The following CACNA2D1 variants were observed in gnomAD, a reference collection of about 807,000 sequenced individuals.
CACNA2D1 encodes calcium voltage-gated channel auxiliary subunit alpha2delta 1.
In CACNA2D1, 53 loss-of-function variants were observed where a neutral mutation model predicts 171.5. That is an observed-to-expected ratio of 0.31 (90% CI 0.25 to 0.39). CACNA2D1 has a LOEUF of 0.39. Among genes scored for constraint, CACNA2D1 ranks in the 10% least tolerant of loss-of-function variants. CACNA2D1 has a pLI of 1.00. For synonymous variants in CACNA2D1, 442 were observed against 443.1 expected, an observed-to-expected ratio of 1.00 and a Z score of 0.03; for missense variants, 903 against 1,299.8, an observed-to-expected ratio of 0.69 and a Z score of 4.69.
intron 3 of CACNA2D1, among the ~76,000 whole-genome samples, chr7:82,332,559 A>AAAGAAAGAAAGG: frequency 7.0e-6 from 1 of 142,862 alleles, no homozygotes; most frequent in South Asian, 2.4e-4. Flanking sequence ...AGAAAGAAAG[A>AAAGAAAGAAAGG]AAGAAAGAAC....
intron 24 of CACNA2D1, among the ~76,000 whole-genome samples, chr7:81,975,565 G>C (rs1185901873): frequency 6.6e-6 from 1 of 152,034 alleles, no homozygotes; most frequent in Non-Finnish European, 1.5e-5. Flanking sequence ...TCATTGATGG[G>C]TAGTTGTAAC....
At chr7:82,318,375 T>A (rs933077721) in intron 3 of CACNA2D1, among the ~76,000 whole-genome samples, 1 of 152,192 alleles carries the variant, frequency 6.6e-6, no homozygotes, top group African/African-American at 2.4e-5. Flanking sequence ...TACTCACTTA[T>A]GAGTATAAAA....
At chr7:82,007,855 A>G in intron 15 of CACNA2D1, 99 bp from the exon 16 acceptor site, 2 of 729,556 alleles carry the variant, frequency 2.7e-6, no homozygotes, top group Non-Finnish European at 5.0e-6. Context: ...TTTTATAGTT[A>G]CTTTATAAAG....
chr7:82,111,313 TACGTGTATATACGC>T (rs1788358543), intron 6 of CACNA2D1, among the ~76,000 whole-genome samples: 14 of 103,264 alleles, frequency 1.4e-4, no homozygotes, highest in East Asian at 5.2e-4. Flanking sequence ...TATATATATA[TACGTGTATATACGC>T]ATACACGTAT....
intron 3 of CACNA2D1, among the ~76,000 whole-genome samples, chr7:82,183,998 T>C (rs1305243546): frequency 6.6e-6 from 1 of 152,126 alleles, no homozygotes; most frequent in Admixed American, 6.5e-5. Context: ...TGACTTGTTA[T>C]ATTAATTTCC....
At chr7:81,981,917 CCATT>C (rs1193331902) in intron 24 of CACNA2D1, among the ~76,000 whole-genome samples, 1 of 151,986 alleles carries the variant, frequency 6.6e-6, no homozygotes, top group Non-Finnish European at 1.5e-5. Context: ...TTAAAAAAAT[CCATT>C]ATTATGTTCA....
rs566612835 is a variant in CACNA2D1 at position 82,137,420 on chromosome 7, C to T, written c.355-744G>A. On this transcript the variant is annotated intron_variant, in intron 4 of 38. Transcript: ENST00000356860. Reference sequence around the variant, plus strand: ...ATTCTTTGTGTCTCTGAGGCTAGTTCTATGTAGTGTAAAAATAATCCACTT... The same window carrying T: ...ATTCTTTGTGTCTCTGAGGCTAGTTTTATGTAGTGTAAAAATAATCCACTT... Among the ~76,000 whole-genome samples, 3 of 152,190 alleles carry T rather than the reference C, an allele frequency of 2.0e-5. No homozygotes were observed. The South Asian group carries it at 6.2e-4, about 32-fold the overall frequency.
chr7:81,986,206 C>G (rs1020187641), intron 21 of CACNA2D1, among the ~76,000 whole-genome samples: 1 of 152,170 alleles, frequency 6.6e-6, no homozygotes, highest in Non-Finnish European at 1.5e-5. Flanking sequence ...AATGCCCAAT[C>G]TAACTACTTT....
At chr7:82,397,558 C>T (rs1825875668) in intron 1 of CACNA2D1, among the ~76,000 whole-genome samples, 1 of 151,978 alleles carries the variant, frequency 6.6e-6, no homozygotes, top group Non-Finnish European at 1.5e-5. Context: ...ACAGAGTACA[C>T]AAAACAGTGA....
At chr7:82,030,314 TTG>T (rs528259457) in intron 12 of CACNA2D1, among the ~76,000 whole-genome samples, 26 of 151,672 alleles carry the variant, frequency 1.7e-4, no homozygotes, top group African/African-American at 6.0e-4. Flanking sequence ...ACATAAAACT[TTG>T]TGTGTTTAAA....
At chr7:82,383,870 C>T (rs1447537379) in intron 1 of CACNA2D1, among the ~76,000 whole-genome samples, 5 of 152,022 alleles carry the variant, frequency 3.3e-5, no homozygotes. Flanking sequence ...CAGTAGCAAA[C>T]ATTTATAAAG....
chr7:82,414,925 C>CA (rs1317884115), intron 1 of CACNA2D1, among the ~76,000 whole-genome samples: 1 of 152,148 alleles, frequency 6.6e-6, no homozygotes, highest in Non-Finnish European at 1.5e-5. Context: ...TTCATATTAT[C>CA]TTAACTTAAA....
rs191956966 is a variant in CACNA2D1 at position 81,972,504 on chromosome 7, T to C, written c.2054-640A>G. ...GAGCAGTACAATCCCAAGAATGTTT[T>C]TGAAATCTACTGGTATTGGTCAAAG... On this transcript the variant is annotated intron_variant, in intron 25 of 38. Coordinates refer to ENST00000356860, the MANE Select transcript of CACNA2D1 (RefSeq NM_000722.4). Among the ~76,000 whole-genome samples the C allele has an allele frequency of 6.3e-3, 962 of 151,970 alleles. 15 individuals carry two copies. Among genetic ancestry groups the C allele is most frequent in the Non-Finnish European group, 5.7e-3 (390 of 67,862 alleles).
chr7:82,243,804 C>T (rs1804601472), intron 3 of CACNA2D1, among the ~76,000 whole-genome samples: 1 of 152,084 alleles, frequency 6.6e-6, no homozygotes, highest in South Asian at 2.1e-4. Flanking sequence ...TTCTATATAA[C>T]CTAAAATAGT....
At chr7:82,294,254 A>C (rs1035097988) in intron 3 of CACNA2D1, among the ~76,000 whole-genome samples, 1 of 152,164 alleles carries the variant, frequency 6.6e-6, no homozygotes, top group African/African-American at 2.4e-5. Flanking sequence ...TAAAATTGAC[A>C]GTAAAAATAA....
At chr7:82,160,357 A>T (rs895948503) in intron 4 of CACNA2D1, among the ~76,000 whole-genome samples, 2 of 152,090 alleles carry the variant, frequency 1.3e-5, no homozygotes, top group Admixed American at 6.6e-5. Flanking sequence ...GAAAAAAATT[A>T]AAAAAGAAAT....
Position 81,959,507 on chromosome 7 carries a change from A to T in CACNA2D1, c.3077-150T>A, listed in dbSNP as rs1793843068. 7 of 789,350 alleles carry T rather than the reference A, an allele frequency of 8.9e-6. No individual in the cohort carries two copies. In the East Asian group the frequency reaches 1.9e-4, roughly 21 times the overall value. 48.9% of individuals were successfully genotyped at this position (789,350 alleles called of 1,614,324 possible). ...ACAATTCAAGTACATAGGGATTTAAAGAACTAAATTGTGAATTATCCTTTT... is the reference window on the plus strand; with the variant it reads ...ACAATTCAAGTACATAGGGATTTAATGAACTAAATTGTGAATTATCCTTTT... On this transcript the variant is annotated intron_variant, in intron 37 of 38. Transcript: ENST00000356860.
chr7:82,128,689 A>G (rs2129066490), intron 5 of CACNA2D1, among the ~76,000 whole-genome samples: 1 of 152,296 alleles, frequency 6.6e-6, no homozygotes, highest in South Asian at 2.1e-4. Flanking sequence ...ACGAAAGAAC[A>G]GTAGAAATCA....
rs147728344 is a variant in CACNA2D1 at position 81,964,252 on chromosome 7, G to A, written c.2682C>T (p.Pro894=). The change falls in exon 33 of 39, where the codon CCC becomes CCT. Residue 894 remains proline (P), a synonymous_variant. Transcript: ENST00000356860. ...CTGCTCCTTGTTTTGGTGCAGCACCGGGCTCACATACTGACTGATAATCAT... is the reference window on the plus strand; with the variant it reads ...CTGCTCCTTGTTTTGGTGCAGCACCAGGCTCACATACTGACTGATAATCAT... The part of the protein sequence containing the change: ...KSYDYQSVCE[P]GAAPKQGAGH... 75 of 1,612,508 alleles carry A rather than the reference G, an allele frequency of 4.7e-5. No individual in the cohort carries two copies. The highest frequency in any genetic ancestry group is 5.4e-5 in the Non-Finnish European group (64 of 1,179,158).
Sources: gnomAD v4.1 joint callset for allele counts (sites outside exome capture counted in the v4.1 genomes callset) on GRCh38, gnomAD v4.1.1 for gene constraint, MANE v1.5 for transcripts, NCBI Gene and HGNC (gene_info 2026-07-23, HGNC 2026-07-21) for gene names.